The following WWOX variants were observed in gnomAD, a reference collection of about 807,000 sequenced individuals.
WWOX encodes the protein WW domain containing oxidoreductase.
WWOX carries 69 observed loss-of-function variants against 46.2 expected under a neutral mutation model. That is an observed-to-expected ratio of 1.49 (90% CI 1.23 to 1.82). The LOEUF is 1.82. WWOX is among the 40% of genes most tolerant of loss of function. WWOX has a pLI of 0.00. For missense variants in WWOX, 919 were observed against 542.6 expected (o/e 1.69, Z -6.89); for synonymous variants, 359 against 202.6 (o/e 1.77, Z -6.56).
intron 5 of WWOX, among the ~76,000 whole-genome samples, chr16:78,198,298 A>G (rs894970763): frequency 1.3e-4 from 20 of 151,966 alleles, no homozygotes; most frequent in African/African-American, 4.3e-4. Context: ...AGGAATTAGA[A>G]TGAAACCAAC....
At chr16:78,793,137 A>T (rs145622760) in intron 8 of WWOX, among the ~76,000 whole-genome samples, 9 of 152,126 alleles carry the variant, frequency 5.9e-5, no homozygotes, top group Non-Finnish European at 1.0e-4. Flanking sequence ...AAGTGATGCA[A>T]TCTCAGGTCA....
At chr16:78,362,057 C>T (rs117591870) in intron 5 of WWOX, among the ~76,000 whole-genome samples, 4,663 of 149,384 alleles carry the variant, frequency 0.031, 81 homozygotes, top group Non-Finnish European at 0.041. Context: ...CTATGAAGGA[C>T]GCTATTTTAA....
chr16:78,509,131 A>T (rs1376453891), intron 8 of WWOX, among the ~76,000 whole-genome samples: 1 of 152,184 alleles, frequency 6.6e-6, no homozygotes. Context: ...GACAATGACA[A>T]AGTTATTCAA....
chr16:78,832,251 T>A (rs1186979057), intron 8 of WWOX, among the ~76,000 whole-genome samples: 1 of 152,130 alleles, frequency 6.6e-6, no homozygotes, highest in Non-Finnish European at 1.5e-5. Flanking sequence ...TTCTTCACCA[T>A]GGGGGCCTCT....
chr16:78,723,524 T>C (rs1164483478), intron 8 of WWOX, among the ~76,000 whole-genome samples: 4 of 152,086 alleles, frequency 2.6e-5, no homozygotes, highest in African/African-American at 9.7e-5. Flanking sequence ...CTTCTTCTAC[T>C]CCCACACTTC....
At chr16:79,211,034 A>AGAGTGTGTGTGTGT (rs1555547724) in intron 8 of WWOX, among the ~76,000 whole-genome samples, 1 of 149,602 alleles carries the variant, frequency 6.7e-6, no homozygotes, top group South Asian at 2.2e-4. Flanking sequence ...TATGGTGAGG[A>AGAGTGTGTGTGTGT]GTGTGTGTGT....
chr16:78,420,400 G>A (rs541917624), intron 6 of WWOX, among the ~76,000 whole-genome samples: 5 of 152,070 alleles, frequency 3.3e-5, no homozygotes, highest in African/African-American at 1.2e-4. Flanking sequence ...TAAACAAAGC[G>A]TGGTATATTC....
In WWOX at chr16:78,164,300, G is replaced by T. The variant is rs770167376; in HGVS notation, c.516+11G>T. 1.9e-6 allele frequency: 3 copies of T among 1,611,900 alleles called. No individual in the cohort carries two copies. The highest frequency in any genetic ancestry group is 1.3e-5 in the African/African-American group (1 of 75,012). On this transcript the variant is annotated intron_variant, in intron 5 of 8. Coordinates refer to ENST00000566780, the MANE Select transcript of WWOX (RefSeq NM_016373.4). ...ATTTTAGAAGAATGGGTAAGTGCTT[G>T]ACTGTTGTTGTTTTTTTTAATTGTC...
intron 8 of WWOX, among the ~76,000 whole-genome samples, chr16:78,443,271 CT>C (rs1473438034): frequency 6.6e-6 from 1 of 151,846 alleles, no homozygotes; most frequent in Non-Finnish European, 1.5e-5. Flanking sequence ...CATCACTGCA[CT>C]CCAGCCTGGG....
intron 5 of WWOX, among the ~76,000 whole-genome samples, chr16:78,231,565 C>G (rs910332274): frequency 6.6e-6 from 1 of 152,146 alleles, no homozygotes; most frequent in African/African-American, 2.4e-5. Context: ...AATCCAAATG[C>G]TTAAATTCAG....
intron 8 of WWOX, among the ~76,000 whole-genome samples, chr16:79,031,565 C>T (rs1354719958): frequency 6.6e-6 from 1 of 151,892 alleles, no homozygotes; most frequent in Non-Finnish European, 1.5e-5. Flanking sequence ...GTATGCTAAA[C>T]TTGATTGATC....
At chr16:78,805,104 A>T (rs1265093609) in intron 8 of WWOX, among the ~76,000 whole-genome samples, 1 of 152,192 alleles carries the variant, frequency 6.6e-6, no homozygotes. Flanking sequence ...TGAAATTAAG[A>T]ATATCACTAC....
At chr16:78,918,218 T>C (rs1031314320) in intron 8 of WWOX, among the ~76,000 whole-genome samples, 2 of 151,348 alleles carry the variant, frequency 1.3e-5, no homozygotes, top group African/African-American at 4.9e-5. Flanking sequence ...GTCTCAAAGA[T>C]AAAAGAAAGA....
At chr16:78,691,199 G>A (rs2047979481) in intron 8 of WWOX, 1 of 701,954 alleles carries the variant, frequency 1.4e-6, no homozygotes, top group East Asian at 2.7e-5. Context: ...TGTAGGTCCA[G>A]CGCCTAGAAT....
intron 8 of WWOX, among the ~76,000 whole-genome samples, chr16:78,833,526 C>T (rs912199238): frequency 6.6e-6 from 1 of 152,168 alleles, no homozygotes; most frequent in Non-Finnish European, 1.5e-5. Flanking sequence ...CTACAACGTG[C>T]AGTGAGGACA....
At chr16:78,166,028 T>G (rs1039548078) in intron 5 of WWOX, among the ~76,000 whole-genome samples, 1 of 152,176 alleles carries the variant, frequency 6.6e-6, no homozygotes, top group Non-Finnish European at 1.5e-5. Context: ...CTTATTTGAA[T>G]CTACACGCAG....
At chr16:78,843,586 G>T (rs1357481137) in intron 8 of WWOX, among the ~76,000 whole-genome samples, 1 of 136,412 alleles carries the variant, frequency 7.3e-6, no homozygotes, top group Non-Finnish European at 1.7e-5. Flanking sequence ...GGGGTCCGGT[G>T]TAAAGGAGGA....
At chr16:78,376,209 T>G (rs575928355) in intron 5 of WWOX, among the ~76,000 whole-genome samples, 1 of 152,162 alleles carries the variant, frequency 6.6e-6, no homozygotes, top group Non-Finnish European at 1.5e-5. Flanking sequence ...GATTGTTCTG[T>G]AATTTCTGTT....
intron 8 of WWOX, among the ~76,000 whole-genome samples, chr16:78,818,037 A>G (rs533792566): frequency 6.6e-6 from 1 of 152,184 alleles, no homozygotes; most frequent in African/African-American, 2.4e-5. Context: ...GAGTCCAGCA[A>G]GGGTCTCAGT....
Sources: allele counts gnomAD v4.1 joint callset (sites outside exome capture counted in the v4.1 genomes callset), GRCh38; gene constraint gnomAD v4.1.1; transcripts MANE v1.5; gene names NCBI Gene and HGNC (gene_info 2026-07-23, HGNC 2026-07-21).